Variants in EYA1 observed in about 807,000 individuals in gnomAD.
EYA1 encodes protein phosphatase EYA1.
EYA1 carries 16 observed loss-of-function variants against 82.0 expected under a neutral mutation model. The ratio of observed to expected loss-of-function variants is 0.20; its 90% CI spans 0.13 to 0.30. The LOEUF (loss-of-function observed/expected upper bound fraction) is 0.30, where lower values mean the gene tolerates loss of function less well. Among genes scored for constraint, EYA1 ranks in the 10% least tolerant of loss-of-function variants. EYA1 has a pLI of 1.00. For missense variants in EYA1, 633 were observed against 730.7 expected (o/e 0.87, Z 1.54); for synonymous variants, 261 against 264.4 (o/e 0.99, Z 0.12).
intron 9 of EYA1, among the ~76,000 whole-genome samples, chr8:71,280,580 T>C (rs1404943617): frequency 6.6e-6 from 1 of 152,210 alleles, no homozygotes; most frequent in African/African-American, 2.4e-5. Flanking sequence ...ATTCTTAAAA[T>C]GTCTAAAGCA....
intron 2 of EYA1, among the ~76,000 whole-genome samples, chr8:71,466,380 G>T (rs932750064): frequency 5.3e-5 from 8 of 152,070 alleles, no homozygotes; most frequent in Non-Finnish European, 1.5e-5. Flanking sequence ...AAAAGGCAAG[G>T]CAAAATTATT....
At chr8:71,335,409 T>C (rs935981209) in intron 3 of EYA1, among the ~76,000 whole-genome samples, 9 of 152,174 alleles carry the variant, frequency 5.9e-5, no homozygotes, top group Non-Finnish European at 1.3e-4. Flanking sequence ...AAATAAGCAT[T>C]ATAAATAGAT....
chr8:71,219,406 G>T (rs1449300320), intron 12 of EYA1, among the ~76,000 whole-genome samples: 2 of 151,788 alleles, frequency 1.3e-5, no homozygotes, highest in Non-Finnish European at 2.9e-5. Context: ...ATCTCTAAGG[G>T]GCCTCATCAG....
chr8:71,460,458 G>C (rs12550583), intron 2 of EYA1, among the ~76,000 whole-genome samples: 14,651 of 152,178 alleles, frequency 0.096, 1,504 homozygotes, highest in East Asian at 0.47. Context: ...ATGAAGGCAA[G>C]CTTCTTACAA....
At chr8:71,396,466 T>C (rs7819159) in intron 2 of EYA1, among the ~76,000 whole-genome samples, 5,384 of 152,254 alleles carry the variant, frequency 0.035, 334 homozygotes, top group African/African-American at 0.12. Flanking sequence ...GCTTTAAATG[T>C]GTCCCAGAGA....
intron 4 of EYA1, among the ~76,000 whole-genome samples, chr8:71,327,334 AT>A (rs1449583351): frequency 1.3e-5 from 2 of 152,282 alleles, no homozygotes; most frequent in African/African-American, 4.8e-5. Context: ...GTTACACAAT[AT>A]TTTTTCTCCT....
chr8:71,402,613 T>C (rs1830016983), intron 2 of EYA1, among the ~76,000 whole-genome samples: 1 of 152,168 alleles, frequency 6.6e-6, no homozygotes, highest in Non-Finnish European at 1.5e-5. Flanking sequence ...TAAAATTAGT[T>C]CTGAGTTTAT....
At chr8:71,211,826 T>C (rs149919779) in intron 16 of EYA1, among the ~76,000 whole-genome samples, 3 of 152,322 alleles carry the variant, frequency 2.0e-5, no homozygotes, top group African/African-American at 7.2e-5. Context: ...AAGTCTGATG[T>C]AGTCTTGTAA....
intron 6 of EYA1, among the ~76,000 whole-genome samples, chr8:71,319,546 T>C (rs1822302620): frequency 6.6e-6 from 1 of 152,124 alleles, no homozygotes; most frequent in Non-Finnish European, 1.5e-5. Context: ...CACACCTATC[T>C]CTGTGACTTC....
At chr8:71,209,695 GA>G (rs1808266673) in intron 17 of EYA1, among the ~76,000 whole-genome samples, 1 of 152,178 alleles carries the variant, frequency 6.6e-6, no homozygotes, top group African/African-American at 2.4e-5. Flanking sequence ...AAATATTCCA[GA>G]AGGGCTGAGA....
At chr8:71,526,934 T>C (rs181697438) in intron 2 of EYA1, among the ~76,000 whole-genome samples, 16 of 152,304 alleles carry the variant, frequency 1.1e-4, no homozygotes, top group Admixed American at 9.2e-4. Flanking sequence ...ATCCTGGGAA[T>C]GGGATACAAA....
At chr8:71,421,947 T>C (rs964347126) in intron 2 of EYA1, among the ~76,000 whole-genome samples, 1 of 152,200 alleles carries the variant, frequency 6.6e-6, no homozygotes, top group Non-Finnish European at 1.5e-5. Context: ...AGTATCGGCG[T>C]CAGTATTCAA....
chr8:71,547,382 C>G (rs1490979756), intron 1 of EYA1: 1 of 152,428 alleles, frequency 6.6e-6, no homozygotes, highest in Non-Finnish European at 1.5e-5. Context: ...AACAAACCGG[C>G]CCTTGACACA....
At chr8:71,395,732 G>A (rs1405076537) in intron 2 of EYA1, among the ~76,000 whole-genome samples, 1 of 152,078 alleles carries the variant, frequency 6.6e-6, no homozygotes, top group African/African-American at 2.4e-5. Context: ...TGTTCATCAG[G>A]GATATTGGTG....
intron 2 of EYA1, among the ~76,000 whole-genome samples, chr8:71,447,771 T>C (rs1375126204): frequency 6.6e-6 from 1 of 152,144 alleles, no homozygotes. Flanking sequence ...CACACCTCAA[T>C]TAAAAATACT....
intron 4 of EYA1, among the ~76,000 whole-genome samples, chr8:71,326,924 C>A (rs901954027): frequency 2.6e-5 from 4 of 152,214 alleles, no homozygotes; most frequent in African/African-American, 7.2e-5. Flanking sequence ...AACCCCCTGA[C>A]CCTCAACCCC....
chr8:71,480,193 T>G (rs1586800708), intron 2 of EYA1, among the ~76,000 whole-genome samples: 1 of 152,250 alleles, frequency 6.6e-6, no homozygotes, highest in East Asian at 1.9e-4. Flanking sequence ...TGTCTAATCT[T>G]GTACATTCAC....
rs149789094 is a variant in EYA1, at chr8:71,516,677, A to C, written c.33+19067T>G. Among the ~76,000 whole-genome samples, 105 of 152,278 alleles carry C rather than the reference A, an allele frequency of 6.9e-4. 1 individual carries two copies. The East Asian group carries it at 0.02, about 29-fold the overall frequency. Reference sequence around the variant, plus strand: ...TTGTGCTCTCTGAAGAGAAGGGTGCATATGAGACAAAGCCACCTTAGAGGT... The same window carrying C: ...TTGTGCTCTCTGAAGAGAAGGGTGCCTATGAGACAAAGCCACCTTAGAGGT... On this transcript the variant is annotated intron_variant, in intron 2 of 18. Transcript: ENST00000643681.
rs142137043 is a variant in EYA1 at position 71,243,577 on chromosome 8, C to T, written c.1140+1026G>A. Among the ~76,000 whole-genome samples, 59 of 152,252 alleles carry T rather than the reference C, an allele frequency of 3.9e-4. No individual in the cohort carries two copies. In the East Asian group the frequency reaches 7.3e-3, roughly 19 times the overall value. ...TTTATTGCACTGGAAGTTGCCAATT[C>T]GTCTTTGAGTAGTTTCATTGCAGAT... On this transcript the variant is annotated intron_variant, in intron 12 of 17. Transcript: ENST00000340726.
Sources: gnomAD v4.1 joint callset for allele counts (sites outside exome capture counted in the v4.1 genomes callset) on GRCh38, gnomAD v4.1.1 for gene constraint, MANE v1.5 for transcripts, NCBI Gene and HGNC (gene_info 2026-07-23, HGNC 2026-07-21) for gene names.